Variants in PTDSS1 observed in about 807,000 individuals in gnomAD.
PTDSS1 encodes the protein PSS-1.
A neutral mutation model predicts 70.5 loss-of-function variants in PTDSS1; 45 were observed. The observed-to-expected ratio is 0.64, with a 90% CI of 0.50 to 0.82. PTDSS1 has a LOEUF of 0.82. Among genes scored for constraint, PTDSS1 ranks in the 40% least tolerant of loss-of-function variants. PTDSS1 has a pLI of 0.00. For missense variants in PTDSS1, 417 were observed against 586.1 expected, an observed-to-expected ratio of 0.71 and a Z score of 2.98; for synonymous variants, 188 against 203.8, an observed-to-expected ratio of 0.92 and a Z score of 0.66.
Position 96,320,358 on chromosome 8 carries a change from ATT to A in PTDSS1, c.1173+16_1173+17del. On this transcript the variant is annotated intron_variant, in intron 10 of 12. Coordinates refer to ENST00000517309, the MANE Select transcript of PTDSS1 (RefSeq NM_014754.3). ...GCTTCTTTGCGTGGTAAGTCACTGC[ATT>A]TTACCCAAAGGCATTAGCTAAACTC... is the stretch of plus-strand genomic sequence containing the variant. 6.3e-7 allele frequency: 1 copy of A among 1,576,012 alleles called. No homozygotes were observed. The highest frequency in any genetic ancestry group is 8.7e-7 in the Non-Finnish European group (1 of 1,145,466).
intron 9 of PTDSS1, among the ~76,000 whole-genome samples, chr8:96,319,169 C>T (rs1374381197): frequency 1.3e-5 from 2 of 152,024 alleles, no homozygotes; most frequent in Non-Finnish European, 2.9e-5. Context: ...TCGCCTCAGC[C>T]TCCCAAAGTG....
rs140930288 is a variant in PTDSS1 at position 96,291,171 on chromosome 8, G to A, written c.442-3927G>A. On this transcript the variant is annotated intron_variant, in intron 4 of 12. Transcript: ENST00000517309. ...CTGGTGGGAGTGGGGGAGAGGGTGG[G>A]CATGTTCCCTGTCCTCTTAGAGCTT... Among the ~76,000 whole-genome samples, 379 of 152,076 alleles carry A rather than the reference G, an allele frequency of 2.5e-3. 2 individuals carry two copies. The highest frequency in any genetic ancestry group is 7.7e-3 in the African/African-American group (319 of 41,530).
chr8:96,287,058 T>C lies in PTDSS1; in HGVS notation c.353T>C (p.Leu118Pro). The C allele has an allele frequency of 6.2e-7, 1 of 1,614,068 alleles. No individual in the cohort carries two copies. Among genetic ancestry groups the C allele is most frequent in the Non-Finnish European group, 8.5e-7 (1 of 1,179,902 alleles). ...CTCTACTTCCTGTTCCTGGTATTCC[T>C]ACTCTTCCTGAATTTCGAGCAGGTT... Reference protein sequence around the residue: ...SVLYFLFLVFLLFLNFEQVKS... With the variant: ...SVLYFLFLVFPLFLNFEQVKS... Residue 118 changes from leucine to proline, a missense_variant, in exon 4 of 13, where the codon CTA becomes CCA. Coordinates refer to ENST00000517309, the MANE Select transcript of PTDSS1 (RefSeq NM_014754.3).
At chr8:96,287,243 A>C (rs1318968115) in intron 4 of PTDSS1, 97 bp downstream of exon 4, 1 of 1,487,600 alleles carries the variant, frequency 6.7e-7, no homozygotes, top group African/African-American at 1.4e-5. Flanking sequence ...CCTTCTCTGT[A>C]TTTCCTGTGT....
chr8:96,281,051 T>G (rs1810728346), intron 2 of PTDSS1, among the ~76,000 whole-genome samples: 2 of 152,064 alleles, frequency 1.3e-5, no homozygotes, highest in African/African-American at 4.8e-5. Context: ...CTCAGTTGCA[T>G]CCCCACCCCT....
intron 4 of PTDSS1, among the ~76,000 whole-genome samples, chr8:96,292,201 G>A (rs1810916450): frequency 6.7e-6 from 1 of 149,752 alleles, no homozygotes; most frequent in African/African-American, 2.5e-5. Context: ...TCGGGAGGCT[G>A]AGACAGGAGA....
chr8:96,312,599 T>A (rs1811228720), intron 9 of PTDSS1, among the ~76,000 whole-genome samples: 1 of 152,068 alleles, frequency 6.6e-6, no homozygotes. Context: ...CTGGGCTTAG[T>A]GTGCTTTACT....
At chr8:96,303,496 TGGC>T (rs1811078722) in intron 6 of PTDSS1, among the ~76,000 whole-genome samples, 2 of 152,210 alleles carry the variant, frequency 1.3e-5, no homozygotes, top group Non-Finnish European at 2.9e-5. Flanking sequence ...CCTTGGGTTT[TGGC>T]TCTCCTGGAC....
At chr8:96,288,828 C>T (rs753041014) in intron 4 of PTDSS1, among the ~76,000 whole-genome samples, 3 of 151,854 alleles carry the variant, frequency 2.0e-5, no homozygotes, top group East Asian at 1.9e-4. Context: ...AGGGTTTTAA[C>T]GTGTTGGCCA....
At chr8:96,327,085 G>A (rs1811448700) in intron 10 of PTDSS1, among the ~76,000 whole-genome samples, 1 of 152,156 alleles carries the variant, frequency 6.6e-6, no homozygotes. Context: ...TTGGGTTTGA[G>A]GAACCTTTAG....
Position 96,291,235 on chromosome 8 carries a change from G to T in PTDSS1, c.442-3863G>T, listed in dbSNP as rs115330731. Among the ~76,000 whole-genome samples, 545 of 152,084 alleles carry T rather than the reference G, an allele frequency of 3.6e-3. 1 individual carries two copies. The highest frequency in any genetic ancestry group is 0.012 in the African/African-American group (501 of 41,496). On this transcript the variant is annotated intron_variant, in intron 4 of 12. Coordinates refer to ENST00000517309, the MANE Select transcript of PTDSS1 (RefSeq NM_014754.3). ...AGGCAAATTAAACAAATAATTGTTG[G>T]CTATTGAACCCTAAGACAATTTCAA...
chr8:96,328,090 C>T (rs780873776), intron 10 of PTDSS1, among the ~76,000 whole-genome samples: 37 of 152,096 alleles, frequency 2.4e-4, no homozygotes, highest in Admixed American at 5.2e-4. Flanking sequence ...TGCTGTTTGC[C>T]GCTGGAGGGA....
intron 5 of PTDSS1, among the ~76,000 whole-genome samples, chr8:96,297,468 G>A (rs944823815): frequency 1.2e-4 from 19 of 152,076 alleles, no homozygotes; most frequent in Admixed American, 4.6e-4. Flanking sequence ...GTGAACCACC[G>A]TACCAGGCCT....
Position 96,299,854 on chromosome 8 carries a change from C to A in PTDSS1, c.752+9C>A. 5 of 1,598,770 alleles carry A rather than the reference C, an allele frequency of 3.1e-6. No individual in the cohort carries two copies. The highest frequency in any genetic ancestry group is 4.3e-6 in the Non-Finnish European group (5 of 1,176,008). On this transcript the variant is annotated intron_variant, in intron 6 of 12. Transcript: ENST00000517309. The stretch of plus-strand genomic sequence containing the variant: ...CACTGGGCAAGCTTCAAGTGAGTTG[C>A]CTTCTTTTTGGATATTAGTCACAGT...
Position 96,309,569 on chromosome 8 carries a change from T to C in PTDSS1, c.1020T>C (p.Ala340=), listed in dbSNP as rs1811176472. The part of the protein sequence containing the change: ...ITAPTVRQYY[A]YLTDTQCKRV... ...TTTGTTCTTTCAGACAGTACTACGC[T>C]TACCTCACCGACACACAGTGCAAGC... The change falls in exon 9 of 13, where the codon GCT becomes GCC. Residue 340 remains alanine, a synonymous_variant. Transcript: ENST00000517309. 6.2e-7 allele frequency: 1 copy of C among 1,614,060 alleles called. No homozygotes were observed. The highest frequency in any genetic ancestry group is 2.2e-5 in the East Asian group (1 of 44,874).
chr8:96,281,246 AG>A (rs1311237678), intron 2 of PTDSS1, among the ~76,000 whole-genome samples: 1 of 152,262 alleles, frequency 6.6e-6, no homozygotes, highest in Non-Finnish European at 1.5e-5. Flanking sequence ...TTGCACTGTT[AG>A]TATATAATGC....
chr8:96,313,818 A>G (rs1388123068), intron 9 of PTDSS1, among the ~76,000 whole-genome samples: 2 of 152,318 alleles, frequency 1.3e-5, no homozygotes, highest in Admixed American at 6.5e-5. Flanking sequence ...GCTCCAAACC[A>G]GCCAGTCCTT....
intron 12 of PTDSS1, among the ~76,000 whole-genome samples, chr8:96,331,878 G>A (rs1178858985): frequency 6.6e-6 from 1 of 151,892 alleles, no homozygotes; most frequent in East Asian, 1.9e-4. Context: ...GCAAGACCCT[G>A]TCTCTACAAA....
At chr8:96,274,492 G>A (rs755794153) in intron 2 of PTDSS1, among the ~76,000 whole-genome samples, 2 of 152,138 alleles carry the variant, frequency 1.3e-5, no homozygotes, top group African/African-American at 2.4e-5. Context: ...TTGGGAAGCC[G>A]AGGTGGGCGG....
Sources: gnomAD v4.1 joint callset for allele counts (sites outside exome capture counted in the v4.1 genomes callset) on GRCh38, gnomAD v4.1.1 for gene constraint, MANE v1.5 for transcripts, NCBI Gene and HGNC (gene_info 2026-07-23, HGNC 2026-07-21) for gene names.